The following UVSSA variants were observed in gnomAD, a reference collection of about 807,000 sequenced individuals.
The protein encoded by UVSSA is UV stimulated scaffold protein A, also known as UV-stimulated scaffold protein A.
In UVSSA, 72 loss-of-function variants were observed where a neutral mutation model predicts 73.9. The ratio of observed to expected loss-of-function variants is 0.97; its 90% CI spans 0.81 to 1.19. The LOEUF is 1.19. UVSSA is among the 50% of genes most tolerant of loss of function. The pLI, the probability that UVSSA is intolerant of heterozygous loss-of-function variation, is 0.00. For missense variants in UVSSA, 1,150 were observed against 965.0 expected, an observed-to-expected ratio of 1.19 and a Z score of -2.54; for synonymous variants, 454 against 391.3, an observed-to-expected ratio of 1.16 and a Z score of -1.89.
intron 8 of UVSSA, chr4:1,375,076 T>C (rs1231615888): frequency 4.5e-6 from 2 of 444,796 alleles, no homozygotes; most frequent in Non-Finnish European, 8.1e-6. Flanking sequence ...ATCCATCTGC[T>C]CAGGCTGGCA....
chr4:1,391,966 C>T (rs945499639), downstream of UVSSA: 4 of 152,214 alleles, frequency 2.6e-5, no homozygotes, highest in Non-Finnish European at 4.4e-5. Context: ...TCTGCCATTT[C>T]TAAATTTGTT....
In UVSSA at chr4:1,387,380, T is replaced by G. The variant is rs987506099; in HGVS notation, c.*1419T>G. 6.6e-6 allele frequency: 1 copy of G among 152,226 alleles called. No homozygotes were observed. Among genetic ancestry groups the G allele is most frequent in the Non-Finnish European group, 1.5e-5 (1 of 68,030 alleles). The allele number at this position is 152,226 out of a possible 1,614,324, so 9.4% of individuals were successfully genotyped here. The stretch of plus-strand genomic sequence containing the variant: ...TGTGAGCCACCGCACTCAGCTGATT[T>G]GCAAAAACTTTCTTCCATACTGTTG... On this transcript the variant is annotated 3_prime_UTR_variant, in exon 14 of 14. Coordinates refer to ENST00000389851, the MANE Select transcript of UVSSA (RefSeq NM_020894.4).
At chr4:1,356,715 C>CT (rs1238013236) in intron 7 of UVSSA, 1 of 152,302 alleles carries the variant, frequency 6.6e-6, no homozygotes, top group African/African-American at 2.4e-5. Flanking sequence ...GCCCCTGTCA[C>CT]TGTTGCCTAG....
Position 1,376,187 on chromosome 4 carries a change from G to A in UVSSA, c.1568+19G>A. ...TTGTCAAGTGAGTCCCCATGTGTCTGAAGTCGGCCAGGGCACACAACCAGG... is the reference window on the plus strand; with the variant it reads ...TTGTCAAGTGAGTCCCCATGTGTCTAAAGTCGGCCAGGGCACACAACCAGG... On this transcript the variant is annotated intron_variant, in intron 10 of 13. Transcript: ENST00000389851. 1 of 1,598,578 alleles carries A rather than the reference G, an allele frequency of 6.3e-7. No homozygotes were observed. Among genetic ancestry groups the A allele is most frequent in the Non-Finnish European group, 8.5e-7 (1 of 1,170,974 alleles).
chr4:1,379,799 C>CTTTTGCCT (rs1560481645), intron 10 of UVSSA, among the ~76,000 whole-genome samples: 1 of 38,130 alleles, frequency 2.6e-5, no homozygotes, highest in Non-Finnish European at 6.1e-5. Context: ...TGCCCGTGGT[C>CTTTTGCCT]GCGCGGCTGG....
intron 13 of UVSSA, 113 bp downstream of exon 13, chr4:1,384,053 C>A: frequency 7.5e-7 from 1 of 1,337,530 alleles, no homozygotes; most frequent in Non-Finnish European, 9.9e-7. Flanking sequence ...TCCAGGGGCT[C>A]CCCTGCTTTG....
chr4:1,362,829 G>A (rs567512989), intron 7 of UVSSA, among the ~76,000 whole-genome samples: 3 of 152,246 alleles, frequency 2.0e-5, no homozygotes, highest in Non-Finnish European at 2.9e-5. Flanking sequence ...TCGAGGCCTC[G>A]GGGAGCTCTG....
Position 1,354,865 on chromosome 4 carries a change from G to A in UVSSA, c.1047+18G>A. 6.3e-7 allele frequency: 1 copy of A among 1,583,724 alleles called. No individual in the cohort carries two copies. Among genetic ancestry groups the A allele is most frequent in the Non-Finnish European group, 8.6e-7 (1 of 1,161,786 alleles). On this transcript the variant is annotated intron_variant, in intron 6 of 13. Transcript: ENST00000389851. Reference sequence around the variant, plus strand: ...GGATCCAGGTGAGCCTCGAACCTGGGACCTGTGGGTGGAGGGACGTGTGCA... The same window carrying A: ...GGATCCAGGTGAGCCTCGAACCTGGAACCTGTGGGTGGAGGGACGTGTGCA...
chr4:1,394,804 C>T (rs1253896943), exon 14 of UVSSA: 3 of 1,550,180 alleles, frequency 1.9e-6, no homozygotes, highest in African/African-American at 3.1e-5. Flanking sequence ...CACCTGCTCA[C>T]ACACGTGCCC....
rs13123788 is a variant in UVSSA at position 1,387,278 on chromosome 4, G to A, written c.*1317G>A. 56,426 of 151,848 alleles carry A rather than the reference G, an allele frequency of 0.37. 12,541 individuals carry two copies. Among genetic ancestry groups the A allele is most frequent in the Non-Finnish European group, 0.5 (34,235 of 67,948 alleles). The allele number at this position is 151,848 out of a possible 1,614,324, so 9.4% of individuals were successfully genotyped here. A position where few individuals can be genotyped will look rare whatever the true frequency, so the allele number is the denominator to read the frequency against. On this transcript the variant is annotated 3_prime_UTR_variant, in exon 14 of 14. Transcript: ENST00000389851. Reference sequence around the variant, plus strand: ...TTTTTAGTAGAGACGGGATTTCACTGTGTTGGCTGGGATGGTCTTGATCTC... The same window carrying A: ...TTTTTAGTAGAGACGGGATTTCACTATGTTGGCTGGGATGGTCTTGATCTC...
At chr4:1,363,537 C>G (rs10000012) in intron 7 of UVSSA, among the ~76,000 whole-genome samples, 25,780 of 152,232 alleles carry the variant, frequency 0.17, 2,730 homozygotes, top group African/African-American at 0.3. Context: ...CGGTCCACAT[C>G]TACCTTTTAG....
At chr4:1,394,035 C>T (rs576800616) in exon 14 of UVSSA, 7 of 242,244 alleles carry the variant, frequency 2.9e-5, no homozygotes, top group African/African-American at 6.8e-5. Flanking sequence ...TCTGCTGACA[C>T]GCAGTTGATA....
chr4:1,355,363 C>T (rs1376085782), intron 7 of UVSSA, 118 bp downstream of exon 7: 3 of 1,027,288 alleles, frequency 2.9e-6, no homozygotes, highest in Non-Finnish European at 4.2e-6. Context: ...ACACCCCAAG[C>T]CCACTCAGCC....
chr4:1,379,946 G>A, intron 10 of UVSSA, 101 bp from the exon 11 acceptor site: 1 of 1,378,378 alleles, frequency 7.3e-7, no homozygotes, highest in East Asian at 2.5e-5. Flanking sequence ...GGGGTGGCTG[G>A]GCTGCAGTGG....
At chr4:1,393,251 T>C (rs1720446245) in exon 14 of UVSSA, 1 of 152,250 alleles carries the variant, frequency 6.6e-6, no homozygotes. Flanking sequence ...TATTGTACTT[T>C]TCTACTCCAA....
intron 12 of UVSSA, among the ~76,000 whole-genome samples, chr4:1,382,822 G>T (rs933439785): frequency 6.6e-6 from 1 of 152,226 alleles, no homozygotes; most frequent in Non-Finnish European, 1.5e-5. Flanking sequence ...TCGCCCCCGT[G>T]GCCTGGTCCC....
At chr4:1,345,317 T>C (rs1713581997), upstream of UVSSA, among the ~76,000 whole-genome samples, 1 of 151,988 alleles carries the variant, frequency 6.6e-6, no homozygotes, top group Non-Finnish European at 1.5e-5. Flanking sequence ...AGTCAGATAA[T>C]TGGTCCAAGC....
At chr4:1,393,152 C>T (rs1720444998) in exon 14 of UVSSA, 1 of 152,176 alleles carries the variant, frequency 6.6e-6, no homozygotes, top group South Asian at 2.1e-4. Context: ...CAGAATGGGT[C>T]ATCTCAGTTG....
At chr4:1,348,983 TTTGTGCCGGGCGGTGTGCG>T (rs1205152327) in intron 2 of UVSSA, among the ~76,000 whole-genome samples, 46 of 151,196 alleles carry the variant, frequency 3.0e-4, no homozygotes, top group African/African-American at 8.5e-4. Flanking sequence ...GCGGTGTGTG[TTTGTGCCGGGCGGTGTGCG>T]TTGTGCCGGG....
Sources: allele counts gnomAD v4.1 joint callset (sites outside exome capture counted in the v4.1 genomes callset), GRCh38; gene constraint gnomAD v4.1.1; transcripts MANE v1.5; gene names NCBI Gene and HGNC (gene_info 2026-07-23, HGNC 2026-07-21).